Variants in SUN1 observed in about 807,000 individuals in gnomAD.
The protein encoded by SUN1 is SUN domain-containing protein 1.
Under a neutral mutation model 103.2 loss-of-function variants are expected in SUN1, and 61 were observed. The observed-to-expected ratio is 0.59, with a 90% CI of 0.48 to 0.73. The LOEUF (loss-of-function observed/expected upper bound fraction) is 0.73. Ranked by LOEUF, SUN1 falls within the 30% of genes least tolerant of loss-of-function variation. The probability of loss-of-function intolerance (pLI) is 0.00; values close to 1 mark genes in which losing one functional copy is unlikely to be tolerated. For missense variants in SUN1, 1,052 were observed against 1,034.6 expected, an observed-to-expected ratio of 1.02 and a Z score of -0.23; for synonymous variants, 490 against 425.7, an observed-to-expected ratio of 1.15 and a Z score of -1.86.
At position 832,546 on chromosome 7, in the gene SUN1, A is replaced by G. The variant is rs1303759160; in HGVS notation, c.22A>G (p.Met8Val). 2.5e-6 allele frequency: 4 copies of G among 1,613,500 alleles called. No homozygotes were observed. Among genetic ancestry groups the G allele is most frequent in the African/African-American group, 1.3e-5 (1 of 75,038 alleles). MDFSRLH[M>V]YSPPQCVPEN... ...GAACATGGATTTTTCTCGGCTTCAC[A>G]TGTACAGTCCTCCCCAGTGTGTGCC... Residue 8 changes from methionine (M) to valine (V), a missense_variant, in exon 1 of 19, where the codon ATG becomes GTG. Met to Val is a conservative substitution (Grantham distance 21, BLOSUM62 1). Coordinates refer to ENST00000401592, the MANE Select transcript of SUN1 (RefSeq NM_001130965.3).
chr7:839,058 T>G, intron 2 of SUN1, 72 bp downstream of exon 2: 1 of 1,424,496 alleles, frequency 7.0e-7, no homozygotes. Flanking sequence ...TACTTTTTGG[T>G]CTGTAAAGCC....
At chr7:841,440 C>T (rs1809815820) in intron 2 of SUN1, among the ~76,000 whole-genome samples, 1 of 151,912 alleles carries the variant, frequency 6.6e-6, no homozygotes, top group South Asian at 2.1e-4. Flanking sequence ...GATGGGGTTT[C>T]ACCGTGTTGG....
chr7:822,438 A>G (rs988134923), intron 1 of SUN1, among the ~76,000 whole-genome samples: 2 of 152,214 alleles, frequency 1.3e-5, no homozygotes, highest in African/African-American at 4.8e-5. Flanking sequence ...CGTGGATGTC[A>G]TCACATCCAG....
intron 5 of SUN1, among the ~76,000 whole-genome samples, chr7:847,207 G>C (rs1332114316): frequency 6.6e-6 from 1 of 152,136 alleles, no homozygotes; most frequent in Non-Finnish European, 1.5e-5. Flanking sequence ...TGCGCCAGCG[G>C]AGTTGGCGGC....
chr7:825,782 G>C (rs1056824118), intron 1 of SUN1, among the ~76,000 whole-genome samples: 3 of 151,964 alleles, frequency 2.0e-5, no homozygotes, highest in African/African-American at 7.3e-5. Context: ...TTCTAAGACA[G>C]TTTCTTTTTA....
chr7:861,348 T>C (rs1832090407), intron 14 of SUN1, 32 bp from the exon 15 acceptor site: 3 of 1,611,904 alleles, frequency 1.9e-6, no homozygotes, highest in African/African-American at 2.7e-5. Flanking sequence ...CCTGTTCTGG[T>C]GTTTGGTCTT....
Position 864,554 on chromosome 7 carries a change from C to CAAA in SUN1, c.1865-1381_1865-1379dup, listed in dbSNP as rs551547626. ...GGGCAACAAGAGCAAAACTTTATCTCAAAAAAAAAAAAAAAAAAAGCACAA... is the reference window on the plus strand; with the variant it reads ...GGGCAACAAGAGCAAAACTTTATCTCAAAAAAAAAAAAAAAAAAAAAAGCACAA... On this transcript the variant is annotated intron_variant, in intron 15 of 18. Transcript: ENST00000401592. Among the ~76,000 whole-genome samples the CAAA allele has an allele frequency of 6.4e-3, 606 of 95,148 alleles. 26 individuals carry two copies. In the East Asian group the frequency reaches 0.13, roughly 21 times the overall value. 62.4% of individuals were successfully genotyped at this position (95,148 alleles called of 152,430 possible). A position where few individuals can be genotyped will look rare whatever the true frequency, so the allele number is the denominator to read the frequency against.
chr7:861,235 A>T (rs1831976458), intron 14 of SUN1, 145 bp from the exon 15 acceptor site: 2 of 759,322 alleles, frequency 2.6e-6, no homozygotes, highest in African/African-American at 3.5e-5. Context: ...TGTGGAGTTG[A>T]CTTCTGCCAT....
At chr7:864,909 G>A (rs923190550) in intron 15 of SUN1, among the ~76,000 whole-genome samples, 5 of 152,000 alleles carry the variant, frequency 3.3e-5, no homozygotes, top group Admixed American at 6.6e-5. Flanking sequence ...GATTACAGGC[G>A]TGAGCCACTG....
rs1319780999 is a variant in SUN1 at position 848,730 on chromosome 7, G to A, written c.659-2654G>A. On this transcript the variant is annotated intron_variant, in intron 5 of 18. Coordinates refer to ENST00000401592, the MANE Select transcript of SUN1 (RefSeq NM_001130965.3). ...CGCTGCCTCCTCCTGTGGTCTTGGT[G>A]CTGGCTCTCTCCTGGCTTCCCCCTC... is the stretch of plus-strand genomic sequence containing the variant. 4.8e-6 allele frequency: 3 copies of A among 628,508 alleles called. No homozygotes were observed. The South Asian group carries it at 5.5e-5, about 12-fold the overall frequency. The allele number at this position is 628,508 out of a possible 1,614,324, so 38.9% of individuals were successfully genotyped here. A position where few individuals can be genotyped will look rare whatever the true frequency, so the allele number is the denominator to read the frequency against.
rs145744501 is a variant in SUN1, at chr7:864,667, C to T, written c.1865-1285C>T. Among the ~76,000 whole-genome samples the T allele has an allele frequency of 3.5e-3, 203 of 57,766 alleles. 2 individuals are homozygous for T. The highest frequency in any genetic ancestry group is 5.5e-3 in the Admixed American group (26 of 4,740). 37.9% of individuals were successfully genotyped at this position (57,766 alleles called of 152,430 possible). ...GTAGAGACAAAGAGTCTCGCTCTGT[C>T]GCCCAGGCTGGAGTGCAATGGCGCA... On this transcript the variant is annotated intron_variant, in intron 15 of 18. Coordinates refer to ENST00000401592, the MANE Select transcript of SUN1 (RefSeq NM_001130965.3).
intron 12 of SUN1, 51 bp from the exon 13 acceptor site, chr7:857,777 C>T (rs199879344): frequency 2.2e-4 from 327 of 1,491,668 alleles, no homozygotes; most frequent in Middle Eastern, 9.0e-4. Flanking sequence ...GTGTGGGAAG[C>T]GTATAGGCTG....
At chr7:829,885 G>A (rs556859489), upstream of SUN1, among the ~76,000 whole-genome samples, 7 of 151,924 alleles carry the variant, frequency 4.6e-5, no homozygotes, top group Non-Finnish European at 5.9e-5. Flanking sequence ...TTAAAACATC[G>A]GCCATATCGC....
chr7:849,970 C>A, intron 5 of SUN1: 1 of 1,602,538 alleles, frequency 6.2e-7, no homozygotes. Context: ...CACAGCCGCC[C>A]ACTCGCAGTC....
chr7:871,171 AGTTT>A (rs937050826), intron 17 of SUN1, among the ~76,000 whole-genome samples: 2 of 152,056 alleles, frequency 1.3e-5, no homozygotes, highest in African/African-American at 2.4e-5. Context: ...GAAAAACAGT[AGTTT>A]ATTTAATCTG....
At chr7:830,843 G>A (rs527672641), upstream of SUN1, 7 of 658,750 alleles carry the variant, frequency 1.1e-5, no homozygotes, top group South Asian at 4.7e-4. Context: ...CGTTCGCTGA[G>A]CCCAGCTTTG....
intron 1 of SUN1, among the ~76,000 whole-genome samples, chr7:824,550 C>G (rs1789520328): frequency 6.6e-6 from 1 of 152,228 alleles, no homozygotes; most frequent in African/African-American, 2.4e-5. Flanking sequence ...TGGCCTTGGG[C>G]TTTTGCTGAA....
At chr7:835,104 C>G (rs1174280387) in intron 1 of SUN1, among the ~76,000 whole-genome samples, 1 of 152,172 alleles carries the variant, frequency 6.6e-6, no homozygotes, top group Non-Finnish European at 1.5e-5. Flanking sequence ...AATTTTTTTT[C>G]TCTTTTGGAA....
At chr7:868,428 C>T in intron 16 of SUN1, 1 of 279,796 alleles carries the variant, frequency 3.6e-6, no homozygotes, top group South Asian at 3.2e-5. Flanking sequence ...TGCACCGTGG[C>T]CGGGTTAGGT....
Sources: gnomAD v4.1 joint callset for allele counts (sites outside exome capture counted in the v4.1 genomes callset) on GRCh38, gnomAD v4.1.1 for gene constraint, MANE v1.5 for transcripts, NCBI Gene and HGNC (gene_info 2026-07-23, HGNC 2026-07-21) for gene names.